BTBD8: variants seen among roughly 807,000 people sequenced by gnomAD.
BTBD8 encodes the protein BTB/POZ domain-containing protein 8.
In BTBD8, 110 loss-of-function variants were observed where a neutral mutation model predicts 162.9. That is an observed-to-expected ratio of 0.68 (90% confidence interval 0.58 to 0.79). BTBD8 has a LOEUF of 0.79. Among genes scored for constraint, BTBD8 ranks in the 30% least tolerant of loss-of-function variants. The pLI is 0.00. For synonymous variants in BTBD8, 667 were observed against 716.1 expected (o/e 0.93, Z 1.10); for missense variants, 1,905 against 2,085.4 (o/e 0.91, Z 1.68).
intron 5 of BTBD8, among the ~76,000 whole-genome samples, chr1:92,134,925 C>A (rs1228813952): frequency 1.4e-5 from 2 of 145,378 alleles, no homozygotes; most frequent in East Asian, 4.0e-4. Flanking sequence ...GAATTTTACT[C>A]TTGTTGCCCA....
intron 2 of BTBD8, among the ~76,000 whole-genome samples, chr1:92,099,643 C>T (rs961528740): frequency 2.0e-5 from 3 of 152,004 alleles, no homozygotes; most frequent in South Asian, 2.1e-4. Context: ...TTTTAGAATA[C>T]GATTGTAAAT....
At position 92,123,790 on chromosome 1, in the gene BTBD8, A is replaced by AG. The variant is rs1163215874; in HGVS notation, c.663-5897_663-5896insG. On this transcript the variant is annotated intron_variant, in intron 4 of 17. Coordinates refer to ENST00000636805, the MANE Select transcript of BTBD8 (RefSeq NM_001376131.1). ...AGACTCCGTCTCAAAAAAAAAAAAA[A>AG]AAAAAAGAAAATTTGTAGAAATAAT... Among the ~76,000 whole-genome samples, 9 of 151,448 alleles carry AG rather than the reference A, an allele frequency of 5.9e-5. No homozygotes were observed. In the East Asian group the frequency reaches 1.2e-3, roughly 20 times the overall value.
intron 13 of BTBD8, among the ~76,000 whole-genome samples, chr1:92,173,454 G>A (rs994950134): frequency 3.9e-5 from 6 of 152,084 alleles, no homozygotes; most frequent in Non-Finnish European, 7.4e-5. Context: ...TTATCCCCGT[G>A]TTTTTTAAAG....
intron 4 of BTBD8, among the ~76,000 whole-genome samples, 165 bp from the exon 5 acceptor site, chr1:92,129,522 A>C (rs1649456159): frequency 6.6e-6 from 1 of 152,148 alleles, no homozygotes; most frequent in Non-Finnish European, 1.5e-5. Context: ...CTTAGGTATA[A>C]ATATAAGCTT....
At chr1:92,083,333 A>G (rs761026636) in intron 1 of BTBD8, among the ~76,000 whole-genome samples, 2 of 152,164 alleles carry the variant, frequency 1.3e-5, no homozygotes, top group South Asian at 2.1e-4. Context: ...TTTTTCTACC[A>G]TAGATTTGCT....
intron 9 of BTBD8, among the ~76,000 whole-genome samples, chr1:92,151,910 T>G (rs1229140988): frequency 6.6e-6 from 1 of 152,192 alleles, no homozygotes; most frequent in Non-Finnish European, 1.5e-5. Flanking sequence ...TATTACATGG[T>G]GTATATGTAC....
chr1:92,159,892 T>C (rs546257976), intron 9 of BTBD8, among the ~76,000 whole-genome samples: 31 of 152,308 alleles, frequency 2.0e-4, no homozygotes, highest in African/African-American at 7.5e-4. Context: ...TCATCTTATT[T>C]GGGAGTACTT....
At chr1:92,138,150 G>A (rs914393226) in intron 5 of BTBD8, among the ~76,000 whole-genome samples, 1 of 152,168 alleles carries the variant, frequency 6.6e-6, no homozygotes, top group Non-Finnish European at 1.5e-5. Flanking sequence ...AGCTGGCGAT[G>A]TGGAAAATTC....
chr1:92,182,890 GTTAT>G (rs1650958187), intron 17 of BTBD8, among the ~76,000 whole-genome samples: 1 of 151,872 alleles, frequency 6.6e-6, no homozygotes, highest in Non-Finnish European at 1.5e-5. Context: ...CTGCTATTTA[GTTAT>G]TTATGTATAA....
Position 92,181,680 on chromosome 1 carries a change from C to G in BTBD8, c.3997C>G (p.Gln1333Glu), listed in dbSNP as rs1449266881. 1 of 1,551,160 alleles carries G rather than the reference C, an allele frequency of 6.4e-7. No homozygotes were observed. Among genetic ancestry groups the G allele is most frequent in the African/African-American group, 1.4e-5 (1 of 73,004 alleles). Residue 1333 changes from glutamine (Q) to glutamate (E), a missense_variant, in exon 17 of 18, where the codon CAA becomes GAA. By Grantham distance (29) the Gln-to-Glu change is conservative (BLOSUM62 2). Around this residue, in one of 3 missense-constraint regions of BTBD8, gnomAD observed 517 missense variants for 606.6 expected, o/e 0.85. Coordinates refer to ENST00000636805, the MANE Select transcript of BTBD8 (RefSeq NM_001376131.1). ...MKKQSNNDLFQVNSTSDDEIP... is the reference protein window; with the variant it reads ...MKKQSNNDLFEVNSTSDDEIP... ...AAAGCAAAGTAATAATGATCTTTTC[C>G]AAGTTAATTCAACGAGTGATGATGA...
chr1:92,114,779 T>C (rs1648989147), intron 4 of BTBD8: 2 of 235,824 alleles, frequency 8.5e-6, no homozygotes, highest in South Asian at 1.3e-4. Context: ...ATGCTCTTGC[T>C]GGGGCTGGTG....
intron 4 of BTBD8, among the ~76,000 whole-genome samples, chr1:92,114,216 G>A (rs1406725234): frequency 6.6e-6 from 1 of 151,890 alleles, no homozygotes; most frequent in Non-Finnish European, 1.5e-5. Context: ...AAGCACTGAG[G>A]ATTAAATGGA....
chr1:92,097,074 C>T (rs1184437667), intron 2 of BTBD8, among the ~76,000 whole-genome samples: 1 of 152,160 alleles, frequency 6.6e-6, no homozygotes, highest in East Asian at 1.9e-4. Context: ...TACTGATGAA[C>T]TGTCAGTGCT....
chr1:92,157,017 GT>G (rs1160791124), intron 9 of BTBD8, among the ~76,000 whole-genome samples: 12 of 148,914 alleles, frequency 8.1e-5, no homozygotes, highest in African/African-American at 2.5e-4. Context: ...ATAATATAAA[GT>G]TTTTTTTTCA....
intron 12 of BTBD8, among the ~76,000 whole-genome samples, chr1:92,170,750 A>G (rs750631260): frequency 1.3e-5 from 2 of 152,144 alleles, no homozygotes; most frequent in Non-Finnish European, 2.9e-5. Context: ...TCCAGCCTAC[A>G]TATTTTCCTG....
intron 9 of BTBD8, among the ~76,000 whole-genome samples, chr1:92,148,615 C>T (rs1361433899): frequency 5.9e-5 from 9 of 152,180 alleles, no homozygotes; most frequent in Admixed American, 5.9e-4. Flanking sequence ...GGCCTAAAAA[C>T]CAAAGTTTGG....
chr1:92,158,197 T>C (rs1650204276), intron 9 of BTBD8, among the ~76,000 whole-genome samples: 1 of 152,180 alleles, frequency 6.6e-6, no homozygotes, highest in Non-Finnish European at 1.5e-5. Context: ...TTAGCTACTC[T>C]GTCTTTTGAT....
intron 4 of BTBD8, chr1:92,115,719 A>G: frequency 3.7e-6 from 1 of 266,942 alleles, no homozygotes; most frequent in Non-Finnish European, 7.4e-6. Context: ...TGGTAACAGC[A>G]TCTACTTTGC....
rs548980717 is a variant in BTBD8 at position 92,169,171 on chromosome 1, T to C, written c.1573+176T>C. On this transcript the variant is annotated intron_variant, in intron 12 of 17. Coordinates refer to ENST00000636805, the MANE Select transcript of BTBD8 (RefSeq NM_001376131.1). Reference sequence around the variant, plus strand: ...GTTTTAATAAATCATGCTTTTTAGCTGTTCTTAGAAAATGAAACTCATTTC... The same window carrying C: ...GTTTTAATAAATCATGCTTTTTAGCCGTTCTTAGAAAATGAAACTCATTTC... Among the ~76,000 whole-genome samples, 6 of 152,338 alleles carry C rather than the reference T, an allele frequency of 3.9e-5. No individual in the cohort carries two copies. The East Asian group carries it at 1.2e-3, about 29-fold the overall frequency.
Sources: gnomAD v4.1 joint callset for allele counts (sites outside exome capture counted in the v4.1 genomes callset) on GRCh38, gnomAD v4.1.1 for gene constraint, gnomAD v4.1.1 regional missense constraint, MANE v1.5 for transcripts, NCBI Gene and HGNC (gene_info 2026-07-23, HGNC 2026-07-21) for gene names.